The following SETD2 variants were observed in gnomAD, a reference collection of about 807,000 sequenced individuals.
SETD2 encodes the protein histone-lysine N-methyltransferase SETD2.
Under a neutral mutation model 242.1 loss-of-function variants are expected in SETD2, and 31 were observed. That is an observed-to-expected ratio of 0.13 (90% CI 0.10 to 0.17). The LOEUF (loss-of-function observed/expected upper bound fraction) is 0.17. Among genes scored for constraint, SETD2 ranks in the 10% least tolerant of loss-of-function variants. The pLI is 1.00. For synonymous variants in SETD2, 1,006 were observed against 1,066.5 expected, an observed-to-expected ratio of 0.94 and a Z score of 1.11; for missense variants, 2,481 against 3,046.3, an observed-to-expected ratio of 0.81 and a Z score of 4.37.
At chr3:47,048,337 C>T (rs2039626255) in intron 15 of SETD2, among the ~76,000 whole-genome samples, 1 of 152,014 alleles carries the variant, frequency 6.6e-6, no homozygotes, top group Non-Finnish European at 1.5e-5. Context: ...TGCAGTGAAC[C>T]GAGATGGCAC....
chr3:47,127,349 TA>T (rs60754228), intron 1 of SETD2, among the ~76,000 whole-genome samples: 296 of 142,092 alleles, frequency 2.1e-3, no homozygotes, highest in African/African-American at 2.0e-3. Context: ...TGGCTGTCTT[TA>T]AAAAAAAAAA....
intron 16 of SETD2, among the ~76,000 whole-genome samples, chr3:47,045,980 T>C (rs934802174): frequency 1.3e-5 from 2 of 151,808 alleles, no homozygotes; most frequent in Admixed American, 6.6e-5. Flanking sequence ...AAATTTTTTT[T>C]TTACAAAATG....
intron 16 of SETD2, among the ~76,000 whole-genome samples, chr3:47,044,534 G>A (rs936796361): frequency 6.6e-6 from 1 of 151,940 alleles, no homozygotes; most frequent in Non-Finnish European, 1.5e-5. Flanking sequence ...CTGGATTGCT[G>A]CAAGAGCTTT....
chr3:47,038,101 A>G (rs1192041031), intron 17 of SETD2, among the ~76,000 whole-genome samples: 1 of 152,176 alleles, frequency 6.6e-6, no homozygotes, highest in Non-Finnish European at 1.5e-5. Flanking sequence ...CAAAGCCTAA[A>G]ATGTACAGGA....
At chr3:47,105,152 A>G (rs1472111951) in intron 6 of SETD2, among the ~76,000 whole-genome samples, 6 of 152,046 alleles carry the variant, frequency 3.9e-5, no homozygotes, top group Non-Finnish European at 8.8e-5. Context: ...GCTCACACCT[A>G]TAATACCAGT....
At chr3:47,084,936 G>A (rs1245926314) in intron 11 of SETD2, among the ~76,000 whole-genome samples, 1 of 148,708 alleles carries the variant, frequency 6.7e-6, no homozygotes, top group East Asian at 2.0e-4. Flanking sequence ...TCTCCATGTT[G>A]GTCAGGCTGG....
intron 1 of SETD2, among the ~76,000 whole-genome samples, chr3:47,141,976 G>A (rs1254021503): frequency 6.6e-6 from 1 of 151,988 alleles, no homozygotes; most frequent in Non-Finnish European, 1.5e-5. Context: ...AAAAACACTT[G>A]AAACACATAT....
intron 18 of SETD2, among the ~76,000 whole-genome samples, chr3:47,030,213 G>A (rs1481832616): frequency 1.3e-5 from 2 of 151,810 alleles, no homozygotes; most frequent in African/African-American, 4.8e-5. Flanking sequence ...TATCAGCACT[G>A]TTAAAAATAA....
chr3:47,020,327 G>A lies in SETD2; in HGVS notation c.7351-487C>T, dbSNP rs149900044. ...AAGACAGTCTCAGTATGCAAGAGAGGCTCCTTGGAGGTTGGTACCTTCAGT... is the reference window on the plus strand; with the variant it reads ...AAGACAGTCTCAGTATGCAAGAGAGACTCCTTGGAGGTTGGTACCTTCAGT... On this transcript the variant is annotated intron_variant, in intron 18 of 20. Transcript: ENST00000409792. Among the ~76,000 whole-genome samples, 322 of 152,272 alleles carry A rather than the reference G, an allele frequency of 2.1e-3. 1 individual carries two copies. The highest frequency in any genetic ancestry group is 7.2e-3 in the African/African-American group (297 of 41,538).
rs1465200347 is a variant in SETD2 at position 47,083,845 on chromosome 3, G to T, written c.5935C>A (p.Pro1979Thr). 1.9e-6 allele frequency: 3 copies of T among 1,613,970 alleles called. No homozygotes were observed. The highest frequency in any genetic ancestry group is 2.5e-6 in the Non-Finnish European group (3 of 1,180,004). Residue 1979 changes from proline to threonine, a missense_variant, in exon 12 of 21, where the codon CCA becomes ACA. By Grantham distance (38) the Pro-to-Thr change is conservative. Around this residue, in one of 17 missense-constraint regions of SETD2, gnomAD observed 203 missense variants for 222.4 expected, o/e 0.91. Transcript: ENST00000409792. The part of the protein sequence containing the change: ...KLEEPINEET[P>T]SQDEEEGVSD... ...ACACCCTCCTCTTCATCTTGGGATG[G>T]TGTTTCTTCATTAATAGGTTCTTCT...
chr3:47,056,342 A>T (rs369088674), intron 15 of SETD2, among the ~76,000 whole-genome samples: 11 of 151,688 alleles, frequency 7.3e-5, no homozygotes, highest in African/African-American at 2.4e-4. Flanking sequence ...GGCCCGGCTG[A>T]TCTCAAACTC....
intron 15 of SETD2, among the ~76,000 whole-genome samples, chr3:47,049,662 G>A (rs893060212): frequency 2.7e-5 from 4 of 147,072 alleles, no homozygotes; most frequent in Non-Finnish European, 3.0e-5. Flanking sequence ...GTGAGCCACC[G>A]CGCCTGGCCT....
chr3:47,131,869 C>T (rs1400433671), intron 1 of SETD2, among the ~76,000 whole-genome samples: 4 of 151,690 alleles, frequency 2.6e-5, no homozygotes, highest in African/African-American at 9.7e-5. Flanking sequence ...CCTCCACCTC[C>T]TGGGTTCAAG....
At chr3:47,070,281 C>CT (rs900170148) in intron 12 of SETD2, among the ~76,000 whole-genome samples, 9 of 152,178 alleles carry the variant, frequency 5.9e-5, no homozygotes, top group Non-Finnish European at 7.3e-5. Context: ...TTACTACTGA[C>CT]TAATGACCAG....
At chr3:47,023,988 G>A (rs1402620765) in intron 18 of SETD2, among the ~76,000 whole-genome samples, 8 of 152,162 alleles carry the variant, frequency 5.3e-5, no homozygotes, top group Admixed American at 2.6e-4. Flanking sequence ...TCATGAATCC[G>A]TATGCCTATT....
intron 7 of SETD2, among the ~76,000 whole-genome samples, chr3:47,103,022 C>G (rs1026256562): frequency 3.3e-5 from 5 of 151,984 alleles, no homozygotes; most frequent in African/African-American, 1.2e-4. Context: ...GATCTTGGAC[C>G]AGAAAAACAA....
rs768472401 is a variant in SETD2, at chr3:47,106,169, G to A, written c.4716-49C>T. On this transcript the variant is annotated intron_variant, in intron 5 of 20. Coordinates refer to ENST00000409792, the MANE Select transcript of SETD2 (RefSeq NM_014159.7). ...AGCACTTCCTACCTAGGAGCAGTAG[G>A]GAAAACATATATGCTCAGGCAAAAA... 1.6e-5 allele frequency: 25 copies of A among 1,562,724 alleles called. No homozygotes were observed. In the East Asian group the frequency reaches 5.4e-4, roughly 34 times the overall value.
chr3:47,046,707 G>A, intron 15 of SETD2, 86 bp from the exon 16 acceptor site: 1 of 1,197,530 alleles, frequency 8.4e-7, no homozygotes. Context: ...CAATCTTAAA[G>A]ATATACCCAT....
At chr3:47,038,613 C>T (rs1284259917) in intron 17 of SETD2, among the ~76,000 whole-genome samples, 1 of 151,572 alleles carries the variant, frequency 6.6e-6, no homozygotes, top group Non-Finnish European at 1.5e-5. Context: ...GAAACTCTGT[C>T]TTAAAAAACA....
Sources: gnomAD v4.1 joint callset for allele counts (sites outside exome capture counted in the v4.1 genomes callset) on GRCh38, gnomAD v4.1.1 for gene constraint, gnomAD v4.1.1 regional missense constraint, MANE v1.5 for transcripts, NCBI Gene and HGNC (gene_info 2026-07-23, HGNC 2026-07-21) for gene names.